The following ACSM2B variants were observed in gnomAD, a reference collection of about 807,000 sequenced individuals.
The protein encoded by ACSM2B is acyl-CoA synthetase medium chain family member 2B, also known as acyl-coenzyme A synthetase ACSM2B, mitochondrial.
In ACSM2B, 58 loss-of-function variants were observed where a neutral mutation model predicts 78.6. The ratio of observed to expected loss-of-function variants is 0.74; its 90% CI spans 0.60 to 0.92. The LOEUF (loss-of-function observed/expected upper bound fraction) is 0.92. Among genes scored for constraint, ACSM2B ranks in the 40% least tolerant of loss-of-function variants. The pLI, the probability that ACSM2B is intolerant of heterozygous loss-of-function variation, is 0.00. For missense variants in ACSM2B, 688 were observed against 711.2 expected (o/e 0.97, Z 0.37); for synonymous variants, 257 against 256.8 (o/e 1.00, Z -0.01).
chr16:20,567,955 A>G (rs2015979490), intron 1 of ACSM2B, among the ~76,000 whole-genome samples: 1 of 143,360 alleles, frequency 7.0e-6, no homozygotes, highest in South Asian at 2.1e-4. Context: ...ATTTGTACAT[A>G]TTTAAAAATA....
chr16:20,553,795 T>C lies in ACSM2B; in HGVS notation c.722A>G (p.Lys241Arg). Residue 241 changes from lysine to arginine, a missense_variant, in exon 5 of 14, where the codon AAG becomes AGG. Physicochemically the swap from Lys to Arg is conservative, Grantham distance 26. Coordinates refer to ENST00000329697, the MANE Select transcript of ACSM2B (RefSeq NM_001105069.2). ...AGCTTACCCAGCATCCATCTTGGCC[T>C]TGAGGCCCAGGCTCGAGTAGGAATG... The part of the protein sequence containing the change: ...AEHSYSSLGL[K>R]AKMDAGWTGL... 1 of 1,611,042 alleles carries C rather than the reference T, an allele frequency of 6.2e-7. No individual in the cohort carries two copies. Among genetic ancestry groups the C allele is most frequent in the Middle Eastern group, 1.7e-4 (1 of 6,044 alleles).
intron 1 of ACSM2B, among the ~76,000 whole-genome samples, chr16:20,566,937 A>T (rs28705005): frequency 0.081 from 9,809 of 120,716 alleles, 1,350 homozygotes; most frequent in African/African-American, 0.28. Flanking sequence ...TGTACATACC[A>T]TACTATTATA....
Position 20,543,015 on chromosome 16 carries a change from T to C in ACSM2B, c.1410-2A>G. On this transcript the variant is annotated splice_acceptor_variant, in intron 11 of 13. Transcript: ENST00000329697. LOFTEE classifies it high-confidence loss of function. ...ACCTCCGAGGGTCCAATCCGGTACCTGCAGAAGAACCTGTCCTTCAGAGAA... is the reference window on the plus strand; with the variant it reads ...ACCTCCGAGGGTCCAATCCGGTACCCGCAGAAGAACCTGTCCTTCAGAGAA... The C allele has an allele frequency of 6.2e-7, 1 of 1,613,640 alleles. No individual in the cohort carries two copies. The highest frequency in any genetic ancestry group is 8.5e-7 in the Non-Finnish European group (1 of 1,179,862).
intron 1 of ACSM2B, among the ~76,000 whole-genome samples, chr16:20,566,739 T>G (rs1304192163): frequency 6.1e-5 from 3 of 49,554 alleles, no homozygotes; most frequent in Non-Finnish European, 9.7e-5. Flanking sequence ...ATATAGTATA[T>G]ACTATATATA....
In ACSM2B at chr16:20,568,290, T is replaced by G. The variant is rs1433956323; in HGVS notation, c.-8-3437A>C. On this transcript the variant is annotated intron_variant, in intron 1 of 13. Coordinates refer to ENST00000329697, the MANE Select transcript of ACSM2B (RefSeq NM_001105069.2). ...AACATATAGTATATATAGATATATA[T>G]AAAATATATACATACTATTATATAT... is the stretch of plus-strand genomic sequence containing the variant. Among the ~76,000 whole-genome samples the G allele has an allele frequency of 2.1e-5, 3 of 144,614 alleles. No individual in the cohort carries two copies. The East Asian group carries it at 5.9e-4, about 29-fold the overall frequency. The allele number at this position is 144,614 out of a possible 152,430, so 94.9% of individuals were successfully genotyped here. A position where few individuals can be genotyped will look rare whatever the true frequency, so the allele number is the denominator to read the frequency against.
rs544100121 is a variant in ACSM2B at position 20,547,535 on chromosome 16, A to C, written c.1098+527T>G. On this transcript the variant is annotated intron_variant, in intron 8 of 13. Coordinates refer to ENST00000329697, the MANE Select transcript of ACSM2B (RefSeq NM_001105069.2). ...ATGTAGTTTTGATAAGTAAAATAGTATAGAATAGCATAAATCCACATTGTG... is the reference window on the plus strand; with the variant it reads ...ATGTAGTTTTGATAAGTAAAATAGTCTAGAATAGCATAAATCCACATTGTG... 29 of 977,324 alleles carry C rather than the reference A, an allele frequency of 3.0e-5. No individual in the cohort carries two copies. The East Asian group carries it at 2.8e-3, about 96-fold the overall frequency. The allele number at this position is 977,324 out of a possible 1,614,324, so 60.5% of individuals were successfully genotyped here. A position where few individuals can be genotyped will look rare whatever the true frequency, so the allele number is the denominator to read the frequency against.
At chr16:20,537,763 A>C (rs1389390516) in intron 13 of ACSM2B, among the ~76,000 whole-genome samples, 1 of 152,206 alleles carries the variant, frequency 6.6e-6, no homozygotes, top group Non-Finnish European at 1.5e-5. Context: ...TTGGGTGATT[A>C]CATGGACCAA....
chr16:20,544,028 T>G (rs1248569505), intron 10 of ACSM2B, among the ~76,000 whole-genome samples: 1 of 152,220 alleles, frequency 6.6e-6, no homozygotes, highest in African/African-American at 2.4e-5. Flanking sequence ...GACTTTCTCA[T>G]GGGCATCATG....
At chr16:20,546,935 C>CT (rs763309153) in intron 8 of ACSM2B, 1 of 209,242 alleles carries the variant, frequency 4.8e-6, no homozygotes. Flanking sequence ...ATCATGAAGA[C>CT]TGAGGTATCC....
At position 20,564,723 on chromosome 16, in the gene ACSM2B, C is replaced by A. The variant is rs146963540; in HGVS notation, c.123G>T (p.Pro41=). The A allele has an allele frequency of 1.2e-3, 1,987 of 1,613,438 alleles. 30 individuals carry two copies. The African/African-American group carries it at 0.024, about 20-fold the overall frequency. Residue 41 remains proline, a synonymous_variant, in exon 2 of 14, where the codon CCG becomes CCT. Coordinates refer to ENST00000329697, the MANE Select transcript of ACSM2B (RefSeq NM_001105069.2). The stretch of plus-strand genomic sequence containing the variant: ...CATCACTAGCAAAGTTAAACTTGGC[C>A]GGCACTTCCTGGTGGCCCCACTGCA... The part of the protein sequence containing the change: ...VSLQWGHQEV[P]AKFNFASDVL...
At chr16:20,569,680 C>G (rs2016041741) in intron 1 of ACSM2B, among the ~76,000 whole-genome samples, 2 of 151,816 alleles carry the variant, frequency 1.3e-5, no homozygotes, top group Non-Finnish European at 2.9e-5. Flanking sequence ...GTCATTTTTA[C>G]AATATTTATT....
intron 3 of ACSM2B, among the ~76,000 whole-genome samples, chr16:20,557,080 T>C (rs1221660576): frequency 2.0e-5 from 3 of 152,080 alleles, no homozygotes; most frequent in Non-Finnish European, 4.4e-5. Flanking sequence ...CGGCAGTTTG[T>C]GAAAGAGGTT....
chr16:20,570,840 GT>G (rs1286022156), intron 1 of ACSM2B, among the ~76,000 whole-genome samples: 5 of 151,814 alleles, frequency 3.3e-5, no homozygotes, highest in Admixed American at 2.6e-4. Context: ...TCTCCTCTAA[GT>G]TTTTTAGTTT....
intron 4 of ACSM2B, among the ~76,000 whole-genome samples, chr16:20,555,028 G>C (rs976375482): frequency 6.6e-6 from 1 of 152,086 alleles, no homozygotes; most frequent in Non-Finnish European, 1.5e-5. Context: ...ATCCTTTAGA[G>C]GACAATCCTG....
In ACSM2B at chr16:20,566,708, A is replaced by T. The variant is rs1008724489; in HGVS notation, c.-8-1855T>A. ...TATATACTATATATAGTATATATAT[A>T]GTATATATAGTATATACTATATATA... On this transcript the variant is annotated intron_variant, in intron 1 of 13. Coordinates refer to ENST00000329697, the MANE Select transcript of ACSM2B (RefSeq NM_001105069.2). Among the ~76,000 whole-genome samples, 3 of 36,928 alleles carry T rather than the reference A, an allele frequency of 8.1e-5. 1 individual carries two copies. The highest frequency in any genetic ancestry group is 4.0e-3 in the East Asian group (2 of 500). 24.2% of individuals were successfully genotyped at this position (36,928 alleles called of 152,430 possible).
Position 20,555,438 on chromosome 16 carries a change from T to C in ACSM2B, c.427A>G (p.Thr143Ala), listed in dbSNP as rs1043723129. 6.2e-7 allele frequency: 1 copy of C among 1,613,608 alleles called. No homozygotes were observed. Among genetic ancestry groups the C allele is most frequent in the African/African-American group, 1.3e-5 (1 of 74,900 alleles). ...ATCTGCAACCTATACAGTATGTCAG[T>C]GGATTTCATCTGGATGGTTCCAGGC... ...FMPGTIQMKS[T>A]DILYRLQMSK... Residue 143 changes from threonine to alanine, a missense_variant, in exon 4 of 14, where the codon ACT becomes GCT. By Grantham distance (58) the Thr-to-Ala change is moderately conservative (BLOSUM62 0). Coordinates refer to ENST00000329697, the MANE Select transcript of ACSM2B (RefSeq NM_001105069.2).
intron 2 of ACSM2B, 47 bp from the exon 3 acceptor site, chr16:20,559,494 C>T (rs757904724): frequency 1.3e-6 from 2 of 1,593,480 alleles, no homozygotes; most frequent in South Asian, 2.3e-5. Flanking sequence ...GGTACACAAG[C>T]AGGTAGGATA....
intron 1 of ACSM2B, among the ~76,000 whole-genome samples, chr16:20,570,236 G>T (rs567194984): frequency 1.6e-4 from 25 of 151,700 alleles, no homozygotes; most frequent in Non-Finnish European, 3.2e-4. Context: ...TATATCCATG[G>T]TATGCTGATT....
chr16:20,545,286 G>A, intron 9 of ACSM2B, 28 bp from the exon 10 acceptor site: 3 of 1,607,266 alleles, frequency 1.9e-6, no homozygotes, highest in Non-Finnish European at 2.6e-6. Flanking sequence ...TTGGAAGAAT[G>A]ACGCACACAG....
Sources: allele counts gnomAD v4.1 joint callset (sites outside exome capture counted in the v4.1 genomes callset), GRCh38; gene constraint gnomAD v4.1.1; transcripts MANE v1.5; gene names NCBI Gene and HGNC (gene_info 2026-07-23, HGNC 2026-07-21).